The following RNF213 variants were observed in gnomAD, a reference collection of about 807,000 sequenced individuals.
The protein encoded by RNF213 is ring finger protein 213.
In RNF213, 341 loss-of-function variants were observed where a neutral mutation model predicts 514.4. The observed-to-expected ratio is 0.66, with a 90% CI of 0.61 to 0.73. The LOEUF is 0.73. Ranked by LOEUF, RNF213 falls within the 30% of genes least tolerant of loss-of-function variation. RNF213 has a pLI of 0.00. For synonymous variants in RNF213, 2,655 were observed against 2,658.2 expected (o/e 1.00, Z 0.04); for missense variants, 5,767 against 6,615.6 (o/e 0.87, Z 4.45).
intron 16 of RNF213, among the ~76,000 whole-genome samples, chr17:80,318,264 G>T (rs2046013919): frequency 6.6e-6 from 1 of 152,236 alleles, no homozygotes; most frequent in Admixed American, 6.5e-5. Context: ...AACCAGTGGG[G>T]AGAGAGTAGG....
In RNF213 at chr17:80,346,004, G is replaced by C; in HGVS notation, c.7669G>C (p.Gly2557Arg). 1 of 1,614,168 alleles carries C rather than the reference G, an allele frequency of 6.2e-7. No individual in the cohort carries two copies. Among genetic ancestry groups the C allele is most frequent in the Non-Finnish European group, 8.5e-7 (1 of 1,180,024 alleles). The change falls in exon 29 of 68, where the codon GGC becomes CGC. Residue 2557 changes from glycine (G) to arginine (R), a missense_variant. By Grantham distance (125) the Gly-to-Arg change is moderately radical. Around this residue, in one of 13 missense-constraint regions of RNF213, gnomAD observed 1,377 missense variants for 1,635.2 expected, o/e 0.84. Coordinates refer to ENST00000582970, the MANE Select transcript of RNF213 (RefSeq NM_001256071.3). This position sits in a 1 kb window ranked among gnomAD's most constrained non-coding sequence, Gnocchi z 8.1. ...VSMEETADRL[G>R]SIPLRQLVYR... is the part of the protein sequence containing the mutation. ...TATGGAGGAGACGGCCGACAGGCTGGGCTCCATTCCTCTGAGGCAGCTGGT... is the reference window on the plus strand; with the variant it reads ...TATGGAGGAGACGGCCGACAGGCTGCGCTCCATTCCTCTGAGGCAGCTGGT...
rs1168593588 is a variant in RNF213 at position 80,375,845 on chromosome 17, A to G, written c.13160A>G (p.Asn4387Ser). The change falls in exon 51 of 68, where the codon AAT (asparagine) becomes AGT (serine). Residue 4387 changes from asparagine to serine, a missense_variant. Transcript: ENST00000582970. ...GTGGCTATTTTGTACAGATCCCACA[A>G]TGCAAGCCTCCACCCCACGCCAGAG... ...REVAILYRSH[N>S]ASLHPTPEQC... 6.2e-7 allele frequency: 1 copy of G among 1,613,646 alleles called. No homozygotes were observed. The highest frequency in any genetic ancestry group is 8.5e-7 in the Non-Finnish European group (1 of 1,179,538).
Position 80,353,051 on chromosome 17 carries a change from T to A in RNF213, c.10415T>A (p.Leu3472Ter), listed in dbSNP as rs751167446. Reference sequence around the variant, plus strand: ...AGCCAGCTGTTCGCGCCCGGAGACTTGCCTGAGCGTGAGTCACGAGGCGGA... The same window carrying A: ...AGCCAGCTGTTCGCGCCCGGAGACTAGCCTGAGCGTGAGTCACGAGGCGGA... ...TISQLFAPGD[L>*]PELGLEHRAE... Residue 3472 changes from leucine to a stop codon, truncating the protein, a stop_gained, in exon 33 of 68, where the codon TTG becomes TAG. Transcript: ENST00000582970. LOFTEE classifies it high-confidence loss of function. The surrounding 1 kb of genome is among the most constrained non-coding windows in gnomAD (Gnocchi z 5.0). 6.2e-6 allele frequency: 10 copies of A among 1,612,496 alleles called. No homozygotes were observed. In the South Asian group the frequency reaches 1.1e-4, roughly 18 times the overall value.
rs1259423983 is a variant in RNF213, at chr17:80,319,444, C to T, written c.3024+132C>T. On this transcript the variant is annotated intron_variant, in intron 17 of 67. Transcript: ENST00000582970. ...ACTCAGAGATTGGGAAGTGGGCACC[C>T]TCCTCCCTCGCCAAGGGCAATGGCG... 2.5e-6 allele frequency: 4 copies of T among 1,614,086 alleles called. No homozygotes were observed. In the African/African-American group the frequency reaches 4.0e-5, roughly 16 times the overall value.
chr17:80,317,135 T>G lies in RNF213; in HGVS notation c.2812-53T>G. On this transcript the variant is annotated intron_variant, in intron 15 of 67. Transcript: ENST00000582970. This position sits in a 1 kb window ranked among gnomAD's most constrained non-coding sequence, Gnocchi z 4.1. Reference sequence around the variant, plus strand: ...CTGTCTTTCTCCTTTCATGGGAGTGTGCCGTGGCATTTAGTCGTGAGAGTG... The same window carrying G: ...CTGTCTTTCTCCTTTCATGGGAGTGGGCCGTGGCATTTAGTCGTGAGAGTG... 6.4e-7 allele frequency: 1 copy of G among 1,560,018 alleles called. No individual in the cohort carries two copies. The highest frequency in any genetic ancestry group is 1.1e-5 in the South Asian group (1 of 86,972).
chr17:80,299,295 A>G (rs562905894), intron 11 of RNF213, among the ~76,000 whole-genome samples: 109 of 152,270 alleles, frequency 7.2e-4, no homozygotes, highest in African/African-American at 2.4e-3. Flanking sequence ...TTGGTTGTGC[A>G]GTTTCGTTTT....
intron 3 of RNF213, among the ~76,000 whole-genome samples, chr17:80,286,526 A>C (rs1310124396): frequency 1.3e-5 from 2 of 152,118 alleles, no homozygotes; most frequent in African/African-American, 4.8e-5. Flanking sequence ...TGGGCCACAC[A>C]GGGGCCGACC....
rs76495321 is a variant in RNF213 at position 80,264,917 on chromosome 17, C to T, written c.97+1139C>T. Among the ~76,000 whole-genome samples, 921 of 152,272 alleles carry T rather than the reference C, an allele frequency of 6.0e-3. 8 individuals are homozygous for T. The highest frequency in any genetic ancestry group is 0.021 in the African/African-American group (889 of 41,548). ...TGCTTCCACCGCAGGGCCTTTGCAC[C>T]ACCCTTCCCCAGAGGGCGGCCTGGC... is the stretch of plus-strand genomic sequence containing the variant. On this transcript the variant is annotated intron_variant, in intron 2 of 67. Coordinates refer to ENST00000582970, the MANE Select transcript of RNF213 (RefSeq NM_001256071.3). The surrounding 1 kb of genome is among the most constrained non-coding windows in gnomAD (Gnocchi z 5.0).
In RNF213 at chr17:80,345,042, A is replaced by T. The variant is rs144625219; in HGVS notation, c.6707A>T (p.Asn2236Ile). The change falls in exon 29 of 68, where the codon AAT (asparagine) becomes ATT (isoleucine). Residue 2236 changes from asparagine to isoleucine, a missense_variant. Physicochemically the swap from Asn to Ile is moderately radical, Grantham distance 149. Coordinates refer to ENST00000582970, the MANE Select transcript of RNF213 (RefSeq NM_001256071.3). This position sits in a 1 kb window ranked among gnomAD's most constrained non-coding sequence, Gnocchi z 6.0. ...LRDCEASLFC[N>I]PSFIGDTLRG... ...GATTGTGAGGCCTCTCTCTTCTGCAATCCGAGTTTTATTGGCGACACACTG... is the reference window on the plus strand; with the variant it reads ...GATTGTGAGGCCTCTCTCTTCTGCATTCCGAGTTTTATTGGCGACACACTG... 25 of 1,614,090 alleles carry T rather than the reference A, an allele frequency of 1.5e-5. 1 individual carries two copies. In the South Asian group the frequency reaches 2.4e-4, roughly 16 times the overall value.
intron 32 of RNF213, chr17:80,352,379 A>G: frequency 3.7e-6 from 1 of 266,738 alleles, no homozygotes; most frequent in Non-Finnish European, 7.2e-6. Flanking sequence ...CATGTAGGTC[A>G]CACGGCGTGG....
rs766813218 is a variant in RNF213 at position 80,367,803 on chromosome 17, G to A, written c.11927G>A (p.Arg3976His). Residue 3976 changes from arginine (R) to histidine (H), a missense_variant, in exon 43 of 68, where the codon CGC (arginine) becomes CAC (histidine). Physicochemically the swap from Arg to His is conservative, Grantham distance 29. Around this residue, in one of 13 missense-constraint regions of RNF213, gnomAD observed 355 missense variants for 358.0 expected, o/e 0.99. Transcript: ENST00000582970. ...CACGGGCCTTTTGAGGCCGTGATGC[G>A]CACTCTCTGTGAATGCAAGGAGACA... ...KTHGPFEAVM[R>H]TLCECKETAS... 8.7e-5 allele frequency: 141 copies of A among 1,614,218 alleles called. 2 individuals are homozygous for A. The highest frequency in any genetic ancestry group is 5.6e-4 in the South Asian group (51 of 91,082).
Position 80,263,774 on chromosome 17 carries a change from A to T in RNF213, c.93A>T (p.Ile31=). ...CGERLPPAAP[I]ADSENNNSTM... ...AGAGGCTGCCTCCTGCAGCCCCCAT[A>T]GCAGGTGAGGCCCAGGGGTGCTGGT... is the stretch of plus-strand genomic sequence containing the variant. The change falls in exon 2 of 68, where the codon ATA becomes ATT. Residue 31 remains isoleucine, a synonymous_variant. Coordinates refer to ENST00000582970, the MANE Select transcript of RNF213 (RefSeq NM_001256071.3). The surrounding 1 kb of genome is among the most constrained non-coding windows in gnomAD (Gnocchi z 4.9). The T allele has an allele frequency of 6.2e-7, 1 of 1,613,818 alleles. No individual in the cohort carries two copies. Among genetic ancestry groups the T allele is most frequent in the Non-Finnish European group, 8.5e-7 (1 of 1,179,780 alleles).
rs917840503 is a variant in RNF213 at position 80,325,012 on chromosome 17, T to C, written c.3025-18T>C. The C allele has an allele frequency of 5.9e-6, 9 of 1,535,688 alleles. No individual in the cohort carries two copies. In the Middle Eastern group the frequency reaches 5.0e-4, roughly 85 times the overall value. On this transcript the variant is annotated intron_variant, in intron 17 of 67. Transcript: ENST00000582970. ...TGAAAAACTTCTAAATGTCCCTCTT[T>C]TATTAATTTTCTTGTAGTCTCAGAC...
At chr17:80,327,483 A>T (rs1411025369) in intron 18 of RNF213, among the ~76,000 whole-genome samples, 1 of 152,062 alleles carries the variant, frequency 6.6e-6, no homozygotes, top group African/African-American at 2.4e-5. Context: ...CCTGTCAAAA[A>T]AAAAAAAAAA....
intron 26 of RNF213, among the ~76,000 whole-genome samples, chr17:80,342,299 T>G (rs988984930): frequency 6.6e-6 from 1 of 152,204 alleles, no homozygotes; most frequent in African/African-American, 2.4e-5. Context: ...AATGCATTTT[T>G]CAGAACGTGT....
chr17:80,309,202 C>G, intron 14 of RNF213, 31 bp downstream of exon 14: 1 of 1,613,652 alleles, frequency 6.2e-7, no homozygotes, highest in Non-Finnish European at 8.5e-7. Flanking sequence ...AGGTATCACA[C>G]CCGGGATAGG....
intron 6 of RNF213, 122 bp from the exon 7 acceptor site, chr17:80,290,440 CATGTGTGT>C: frequency 2.7e-6 from 3 of 1,091,180 alleles, no homozygotes; most frequent in East Asian, 4.8e-5. Context: ...CGCGTGTGTG[CATGTGTGT>C]GTGCGAGTGC....
Position 80,385,170 on chromosome 17 carries a change from A to C in RNF213, c.14454A>C (p.Ser4818=), listed in dbSNP as rs1288945496. 2 of 1,614,020 alleles carry C rather than the reference A, an allele frequency of 1.2e-6. No individual in the cohort carries two copies. Among genetic ancestry groups the C allele is most frequent in the African/African-American group, 2.7e-5 (2 of 74,908 alleles). Reference sequence around the variant, plus strand: ...GAGGCTTCCTCAGCAAGCACAGCTCAGGTGTGGCTCTGCTCTGACAGGACC... The same window carrying C: ...GAGGCTTCCTCAGCAAGCACAGCTCCGGTGTGGCTCTGCTCTGACAGGACC... ...SIRGFLSKHS[S]DGLRQLLHNR... The change falls in exon 60 of 68, where the codon TCA becomes TCC. Residue 4818 remains serine, a splice_region_variant and synonymous_variant. Transcript: ENST00000582970.
At position 80,383,842 on chromosome 17, in the gene RNF213, A is replaced by G. The variant is rs769838477; in HGVS notation, c.14236A>G (p.Arg4746Gly). 3 of 1,614,168 alleles carry G rather than the reference A, an allele frequency of 1.9e-6. No homozygotes were observed. In the South Asian group the frequency reaches 3.3e-5, roughly 18 times the overall value. Reference protein sequence around the residue: ...HCSKIWSCRKRITVEYLQHIV... With the variant: ...HCSKIWSCRKGITVEYLQHIV... ...CTCTAAGATTTGGAGCTGCAGGAAA[A>G]GAATTACAGTTGAGTACCTCCAGCA... Residue 4746 changes from arginine (R) to glycine (G), a missense_variant, in exon 59 of 68, where the codon AGA becomes GGA. By Grantham distance (125) the Arg-to-Gly change is moderately radical. Coordinates refer to ENST00000582970, the MANE Select transcript of RNF213 (RefSeq NM_001256071.3).
Sources: allele counts gnomAD v4.1 joint callset (sites outside exome capture counted in the v4.1 genomes callset), GRCh38; gene constraint gnomAD v4.1.1; regional missense constraint gnomAD v4.1.1; non-coding constraint Gnocchi (gnomAD v3.1); transcripts MANE v1.5; gene names NCBI Gene and HGNC (gene_info 2026-07-23, HGNC 2026-07-21).